Variants in EPHA6 observed in about 807,000 individuals in gnomAD.
EPHA6 encodes the protein EPH receptor A6.
Under a neutral mutation model 112.0 loss-of-function variants are expected in EPHA6, and 50 were observed. That is an observed-to-expected ratio of 0.45 (90% CI 0.36 to 0.56). The LOEUF is 0.56. EPHA6 is among the 20% of genes least tolerant of loss of function. The pLI, the probability that EPHA6 is intolerant of heterozygous loss-of-function variation, is 0.00. For synonymous variants in EPHA6, 529 were observed against 490.7 expected (o/e 1.08, Z -1.03); for missense variants, 1,280 against 1,417.4 (o/e 0.90, Z 1.56).
chr3:97,038,002 C>T (rs1002904368), intron 3 of EPHA6, among the ~76,000 whole-genome samples: 1 of 151,640 alleles, frequency 6.6e-6, no homozygotes, highest in African/African-American at 2.4e-5. Flanking sequence ...TTGAGAGTAC[C>T]AAACATGTTT....
intron 1 of EPHA6, among the ~76,000 whole-genome samples, chr3:96,842,790 C>T (rs2034827720): frequency 6.6e-6 from 1 of 152,006 alleles, no homozygotes; most frequent in Non-Finnish European, 1.5e-5. Context: ...ATAAAATCAG[C>T]AGCATCATTT....
intron 15 of EPHA6, among the ~76,000 whole-genome samples, chr3:97,731,990 T>C (rs541255624): frequency 2.0e-5 from 3 of 152,092 alleles, no homozygotes; most frequent in East Asian, 1.9e-4. Flanking sequence ...CCTGGACCAC[T>C]GCAAAGCTCC....
chr3:97,379,318 A>G (rs1443532872), intron 5 of EPHA6, among the ~76,000 whole-genome samples: 1 of 152,178 alleles, frequency 6.6e-6, no homozygotes, highest in African/African-American at 2.4e-5. Flanking sequence ...CAGTGTGAAA[A>G]CAGACTAATA....
chr3:96,966,339 G>T (rs2042120135), intron 2 of EPHA6, among the ~76,000 whole-genome samples: 1 of 152,042 alleles, frequency 6.6e-6, no homozygotes, highest in Admixed American at 6.6e-5. Context: ...CAGGGAGCCA[G>T]CTGGCAAAGC....
chr3:97,054,786 A>T (rs1274693789), intron 3 of EPHA6, among the ~76,000 whole-genome samples: 1 of 152,070 alleles, frequency 6.6e-6, no homozygotes, highest in Non-Finnish European at 1.5e-5. Context: ...CCTGTTTTAT[A>T]TGTCAATTAT....
intron 2 of EPHA6, among the ~76,000 whole-genome samples, chr3:96,982,446 A>T (rs2042833863): frequency 6.6e-6 from 1 of 152,142 alleles, no homozygotes; most frequent in African/African-American, 2.4e-5. Flanking sequence ...CTGTTCTTTT[A>T]CATTTGCTGA....
At chr3:96,984,348 G>C (rs1258360792) in intron 2 of EPHA6, among the ~76,000 whole-genome samples, 3 of 152,172 alleles carry the variant, frequency 2.0e-5, no homozygotes, top group Non-Finnish European at 4.4e-5. Context: ...GGTATCTGCA[G>C]TGGAGGCTGC....
chr3:97,531,767 C>A (rs2092697674), intron 10 of EPHA6, among the ~76,000 whole-genome samples: 1 of 152,032 alleles, frequency 6.6e-6, no homozygotes, highest in East Asian at 1.9e-4. Context: ...CCAATGGAGA[C>A]AATGCTGAAA....
At chr3:97,673,683 A>G (rs920653940) in intron 14 of EPHA6, among the ~76,000 whole-genome samples, 15 of 152,184 alleles carry the variant, frequency 9.9e-5, no homozygotes, top group Non-Finnish European at 1.8e-4. Context: ...TCCAAAGACC[A>G]CTATAAACTG....
chr3:97,556,427 T>A (rs887245785), intron 11 of EPHA6, among the ~76,000 whole-genome samples: 9 of 151,988 alleles, frequency 5.9e-5, no homozygotes, highest in Non-Finnish European at 1.0e-4. Context: ...TCAGGAAACT[T>A]ACAGTCATGA....
chr3:97,064,600 TA>T (rs1442816168), intron 3 of EPHA6, among the ~76,000 whole-genome samples: 1 of 152,174 alleles, frequency 6.6e-6, no homozygotes, highest in East Asian at 1.9e-4. Flanking sequence ...CTTTAATGAA[TA>T]ACTGAACAAA....
intron 13 of EPHA6, among the ~76,000 whole-genome samples, chr3:97,632,998 AATGGACACTGAG>A (rs137963035): frequency 6.6e-6 from 1 of 152,218 alleles, no homozygotes; most frequent in Non-Finnish European, 1.5e-5. Flanking sequence ...GCCTAAGATG[AATGGACACTGAG>A]AGGCTTGAAG....
chr3:96,946,903 C>A (rs898398972), intron 2 of EPHA6, among the ~76,000 whole-genome samples: 4 of 152,112 alleles, frequency 2.6e-5, no homozygotes, highest in Non-Finnish European at 5.9e-5. Context: ...TGTGGTTTTG[C>A]TTTGCATTTC....
At chr3:97,479,471 C>A in intron 9 of EPHA6, 107 bp downstream of exon 9, 1 of 653,678 alleles carries the variant, frequency 1.5e-6, no homozygotes. Flanking sequence ...AAAAAAATCA[C>A]TTCCAACCTT....
At chr3:97,227,424 T>C (rs2078393751) in intron 4 of EPHA6, among the ~76,000 whole-genome samples, 1 of 152,156 alleles carries the variant, frequency 6.6e-6, no homozygotes, top group Non-Finnish European at 1.5e-5. Context: ...TTTCACCATG[T>C]TGGCCAGGCT....
chr3:97,425,722 T>A (rs2089062820), intron 6 of EPHA6, among the ~76,000 whole-genome samples: 1 of 152,210 alleles, frequency 6.6e-6, no homozygotes, highest in South Asian at 2.1e-4. Context: ...CCCAGAAAAT[T>A]GTTTTTTCTT....
chr3:97,733,423 T>G (rs1157119977), intron 15 of EPHA6, among the ~76,000 whole-genome samples: 1 of 152,106 alleles, frequency 6.6e-6, no homozygotes, highest in Non-Finnish European at 1.5e-5. Context: ...AGAGAGGACT[T>G]CAAATGCCAT....
chr3:97,037,992 T>C (rs1349312891), intron 3 of EPHA6, among the ~76,000 whole-genome samples: 2 of 151,996 alleles, frequency 1.3e-5, no homozygotes, highest in Non-Finnish European at 2.9e-5. Context: ...TATTTATTCA[T>C]TGAGAGTACC....
In EPHA6 at chr3:97,128,872, CTT is replaced by C. The variant is rs377407255; in HGVS notation, c.1115-97374_1115-97373del. Among the ~76,000 whole-genome samples, 187 of 117,504 alleles carry C rather than the reference CTT, an allele frequency of 1.6e-3. 1 individual carries two copies. Among genetic ancestry groups the C allele is most frequent in the African/African-American group, 5.3e-3 (160 of 30,246 alleles). The allele number at this position is 117,504 out of a possible 152,430, so 77.1% of individuals were successfully genotyped here. A position where few individuals can be genotyped will look rare whatever the true frequency, so the allele number is the denominator to read the frequency against. On this transcript the variant is annotated intron_variant, in intron 3 of 17. Transcript: ENST00000389672. Reference sequence around the variant, plus strand: ...TCTTCTACTACCTGAATTTTTATGTCTTTTTTTTTTTTTTTTTTTGAGACAAG... The same window carrying C: ...TCTTCTACTACCTGAATTTTTATGTCTTTTTTTTTTTTTTTTTGAGACAAG...
Sources: allele counts gnomAD v4.1 joint callset (sites outside exome capture counted in the v4.1 genomes callset), GRCh38; gene constraint gnomAD v4.1.1; transcripts MANE v1.5; gene names NCBI Gene and HGNC (gene_info 2026-07-23, HGNC 2026-07-21).